The following ASIC2 variants were observed in gnomAD, a reference collection of about 807,000 sequenced individuals.
ASIC2 encodes the protein acid sensing ion channel subunit 2, also known as acid-sensing ion channel 2.
A neutral mutation model predicts 57.3 loss-of-function variants in ASIC2; 25 were observed. The observed-to-expected ratio is 0.44, with a 90% CI of 0.32 to 0.61. The LOEUF is 0.61. Ranked by LOEUF, ASIC2 falls within the 20% of genes least tolerant of loss-of-function variation. The probability of loss-of-function intolerance (pLI) is 0.06; values close to 1 mark genes in which losing one functional copy is unlikely to be tolerated. For synonymous variants in ASIC2, 319 were observed against 307.5 expected (o/e 1.04, Z -0.39); for missense variants, 641 against 738.1 (o/e 0.87, Z 1.52).
intron 1 of ASIC2, among the ~76,000 whole-genome samples, chr17:33,423,181 G>A (rs772567904): frequency 1.9e-4 from 29 of 152,194 alleles, no homozygotes; most frequent in Admixed American, 5.2e-4. Flanking sequence ...CCAGGACCAT[G>A]CCTTGAGAGA....
intron 1 of ASIC2, among the ~76,000 whole-genome samples, chr17:33,167,140 C>G (rs1905335143): frequency 6.6e-6 from 1 of 152,140 alleles, no homozygotes; most frequent in African/African-American, 2.4e-5. Context: ...AGCCCCAGAC[C>G]AACACATGAC....
At chr17:33,045,281 C>T (rs369338344) in intron 3 of ASIC2, among the ~76,000 whole-genome samples, 18 of 152,282 alleles carry the variant, frequency 1.2e-4, no homozygotes, top group South Asian at 2.1e-4. Context: ...ACATAAGAGC[C>T]GCCTCAGCAA....
chr17:33,782,353 A>C (rs1597873948), intron 1 of ASIC2, among the ~76,000 whole-genome samples: 1 of 146,400 alleles, frequency 6.8e-6, no homozygotes, highest in South Asian at 2.1e-4. Context: ...TTTAGATTGA[A>C]GTTCCTTTTT....
chr17:33,186,489 T>A (rs1207777844), intron 1 of ASIC2, among the ~76,000 whole-genome samples: 1 of 152,192 alleles, frequency 6.6e-6, no homozygotes, highest in Non-Finnish European at 1.5e-5. Flanking sequence ...TTTATATTTA[T>A]TTCAGACTAT....
intron 1 of ASIC2, among the ~76,000 whole-genome samples, chr17:33,957,949 G>A (rs981688024): frequency 6.6e-6 from 1 of 152,222 alleles, no homozygotes; most frequent in Non-Finnish European, 1.5e-5. Flanking sequence ...TAAAGGCATT[G>A]GGTAAATACA....
At chr17:33,184,128 G>C (rs1222191139) in intron 1 of ASIC2, among the ~76,000 whole-genome samples, 1 of 152,140 alleles carries the variant, frequency 6.6e-6, no homozygotes, top group Non-Finnish European at 1.5e-5. Flanking sequence ...CTTTAGAGAA[G>C]AGGAACTAAT....
At chr17:33,464,526 T>TTCTC (rs1244772935) in intron 1 of ASIC2, among the ~76,000 whole-genome samples, 1 of 39,146 alleles carries the variant, frequency 2.6e-5, no homozygotes, top group Non-Finnish European at 5.5e-5. Flanking sequence ...CTTTCTTTCT[T>TTCTC]TCTTTCTTTC....
At chr17:33,425,708 G>T (rs1911195386) in intron 1 of ASIC2, among the ~76,000 whole-genome samples, 1 of 152,156 alleles carries the variant, frequency 6.6e-6, no homozygotes, top group African/African-American at 2.4e-5. Flanking sequence ...TCTGGAAGGG[G>T]ATAGACCAGT....
chr17:33,207,222 G>A (rs187297448), intron 1 of ASIC2, among the ~76,000 whole-genome samples: 4 of 152,316 alleles, frequency 2.6e-5, no homozygotes, highest in East Asian at 1.9e-4. Flanking sequence ...AGTGGTGAAC[G>A]GCGCTTTATC....
intron 1 of ASIC2, among the ~76,000 whole-genome samples, chr17:33,284,738 T>A (rs1249794318): frequency 6.6e-6 from 1 of 152,152 alleles, no homozygotes; most frequent in Non-Finnish European, 1.5e-5. Context: ...GCTTTGTACC[T>A]CCTTGAGCCT....
At chr17:33,831,174 AG>A (rs1341911882) in intron 1 of ASIC2, among the ~76,000 whole-genome samples, 1 of 148,506 alleles carries the variant, frequency 6.7e-6, no homozygotes, top group Non-Finnish European at 1.5e-5. Flanking sequence ...TGCCCTTTTA[AG>A]AAAATGCTGA....
chr17:33,815,612 T>C (rs1912555797), intron 1 of ASIC2, among the ~76,000 whole-genome samples: 1 of 152,218 alleles, frequency 6.6e-6, no homozygotes, highest in African/African-American at 2.4e-5. Context: ...CTGGTGGTAC[T>C]GTTCTGCTCA....
intron 1 of ASIC2, among the ~76,000 whole-genome samples, chr17:33,750,762 T>C (rs1910406024): frequency 6.6e-6 from 1 of 152,166 alleles, no homozygotes; most frequent in Admixed American, 6.5e-5. Flanking sequence ...ATCTGTGATT[T>C]CTGGAGTCTT....
chr17:33,449,690 A>G (rs1008744451), intron 1 of ASIC2, among the ~76,000 whole-genome samples: 3 of 152,154 alleles, frequency 2.0e-5, no homozygotes, highest in African/African-American at 7.2e-5. Flanking sequence ...AGCGTTATAG[A>G]CCTTCTTATC....
chr17:33,841,806 A>C (rs1450748198), intron 1 of ASIC2, among the ~76,000 whole-genome samples: 1 of 152,152 alleles, frequency 6.6e-6, no homozygotes, highest in Non-Finnish European at 1.5e-5. Flanking sequence ...TCAATAGGGA[A>C]GGCACCAGGT....
At chr17:33,493,485 T>G (rs185105201) in intron 1 of ASIC2, among the ~76,000 whole-genome samples, 1 of 152,296 alleles carries the variant, frequency 6.6e-6, no homozygotes, top group East Asian at 1.9e-4. Flanking sequence ...CTCTGTAGCT[T>G]CCATAGCTTT....
At chr17:33,909,789 G>T (rs1915422962) in intron 1 of ASIC2, among the ~76,000 whole-genome samples, 1 of 152,156 alleles carries the variant, frequency 6.6e-6, no homozygotes, top group Non-Finnish European at 1.5e-5. Context: ...TACATCTTTT[G>T]AGAGCCTATA....
At position 33,154,799 on chromosome 17, in the gene ASIC2, C is replaced by A. The variant is rs111534060; in HGVS notation, c.709-42732G>T. ...TTCAATGCCTACCTTCCCATGCAGGCCTAGTTTTAAGCTTCTGAACTTTCT... is the reference window on the plus strand; with the variant it reads ...TTCAATGCCTACCTTCCCATGCAGGACTAGTTTTAAGCTTCTGAACTTTCT... On this transcript the variant is annotated intron_variant, in intron 1 of 9. Coordinates refer to ENST00000225823, the MANE Select transcript of ASIC2 (RefSeq NM_183377.2). Among the ~76,000 whole-genome samples the A allele has an allele frequency of 9.2e-5, 14 of 152,280 alleles. 1 individual carries two copies. The highest frequency in any genetic ancestry group is 3.4e-3 in the Middle Eastern group (1 of 294).
In ASIC2 at chr17:33,279,486, T is replaced by A. The variant is rs192498318; in HGVS notation, c.708+11922A>T. Among the ~76,000 whole-genome samples, 44 of 152,036 alleles carry A rather than the reference T, an allele frequency of 2.9e-4. No individual in the cohort carries two copies. In the East Asian group the frequency reaches 7.9e-3, roughly 27 times the overall value. The stretch of plus-strand genomic sequence containing the variant: ...ATCCAGGAGGATGGGAAGAGGGAGG[T>A]CGGTCAAGGTATTAGGTGCTTTCCT... On this transcript the variant is annotated intron_variant, in intron 1 of 9. Transcript: ENST00000225823.
Sources: allele counts gnomAD v4.1 joint callset (sites outside exome capture counted in the v4.1 genomes callset), GRCh38; gene constraint gnomAD v4.1.1; transcripts MANE v1.5; gene names NCBI Gene and HGNC (gene_info 2026-07-23, HGNC 2026-07-21).